Variants in SHROOM4 observed in about 807,000 individuals in gnomAD.
SHROOM4 encodes shroom family member 4.
A neutral mutation model predicts 80.3 loss-of-function variants in SHROOM4; 17 were observed. That is an observed-to-expected ratio of 0.21 (90% CI 0.14 to 0.32). The LOEUF (loss-of-function observed/expected upper bound fraction) is 0.32. SHROOM4 is among the 10% of genes least tolerant of loss of function. SHROOM4 has a pLI of 1.00. For missense variants in SHROOM4, 993 were observed against 1,140.3 expected, an observed-to-expected ratio of 0.87 and a Z score of 1.86; for synonymous variants, 400 against 437.5, an observed-to-expected ratio of 0.91 and a Z score of 1.07.
intron 1 of SHROOM4, among the ~76,000 whole-genome samples, chrX:50,721,980 A>G (rs1829099288): frequency 9.1e-6 from 1 of 110,376 alleles, no homozygotes; most frequent in South Asian, 3.9e-4. Flanking sequence ...GAAGTCAGGT[A>G]GGATCCAAGC....
intron 1 of SHROOM4, among the ~76,000 whole-genome samples, chrX:50,722,356 T>C (rs1934134113): frequency 9.1e-6 from 1 of 109,319 alleles, no homozygotes; most frequent in African/African-American, 3.3e-5. Flanking sequence ...GGCTAAAACC[T>C]ACCTAAGGGA....
At position 50,634,060 on chromosome X, in the gene SHROOM4, G is replaced by C; in HGVS notation, c.2013C>G (p.Ala671=). 17 of 1,211,960 alleles carry C rather than the reference G, an allele frequency of 1.4e-5. No individual in the cohort carries two copies. Among genetic ancestry groups the C allele is most frequent in the Non-Finnish European group, 1.9e-5 (17 of 895,529 alleles). The change falls in exon 4 of 9, where the codon GCC becomes GCG. Residue 671 remains alanine (A), a synonymous_variant. Coordinates refer to ENST00000376020, the MANE Select transcript of SHROOM4 (RefSeq NM_020717.5). ...CTGTCCTAGATTCATGGCTCTCAGGGGCTTGGCTGAGGCACTCGGAAGACC... is the reference window on the plus strand; with the variant it reads ...CTGTCCTAGATTCATGGCTCTCAGGCGCTTGGCTGAGGCACTCGGAAGACC... The part of the protein sequence containing the change: ...RARSSECLSQ[A]PESHESRTGL...
At chrX:50,733,897 T>C (rs2147549836) in intron 1 of SHROOM4, among the ~76,000 whole-genome samples, 1 of 111,806 alleles carries the variant, frequency 8.9e-6, no homozygotes. Flanking sequence ...AAAAATCTAC[T>C]AAAATAATAA....
intron 2 of SHROOM4, among the ~76,000 whole-genome samples, chrX:50,648,005 G>A (rs1200040704): frequency 8.9e-6 from 1 of 112,113 alleles, no homozygotes; most frequent in East Asian, 2.8e-4. Context: ...TTTATTCTCA[G>A]TGAAATGGGA....
intron 2 of SHROOM4, among the ~76,000 whole-genome samples, chrX:50,663,791 C>T (rs1198084561): frequency 9.0e-6 from 1 of 111,424 alleles, no homozygotes; most frequent in Non-Finnish European, 1.9e-5. Flanking sequence ...TCACTTGCTG[C>T]TGGCATCACT....
intron 1 of SHROOM4, among the ~76,000 whole-genome samples, chrX:50,809,161 G>T (rs782632569): frequency 9.0e-6 from 1 of 111,627 alleles, no homozygotes; most frequent in South Asian, 3.8e-4. Flanking sequence ...GCTGGACTAA[G>T]CTCCAAAGAT....
intron 2 of SHROOM4, among the ~76,000 whole-genome samples, chrX:50,652,257 T>G (rs1355077891): frequency 8.9e-6 from 1 of 112,270 alleles, no homozygotes; most frequent in African/African-American, 3.2e-5. Context: ...GTTTCCTGAC[T>G]TTTTAATGAT....
At chrX:50,760,552 G>T (rs986916509) in intron 1 of SHROOM4, among the ~76,000 whole-genome samples, 2 of 109,534 alleles carry the variant, frequency 1.8e-5, no homozygotes, top group African/African-American at 6.6e-5. Flanking sequence ...TGCTCAGACC[G>T]GTCTTGAACT....
Position 50,634,917 on chromosome X carries a change from CATT to C in SHROOM4, c.1153_1155del (p.Asn385del). The C allele has an allele frequency of 8.3e-7, 1 of 1,209,463 alleles. No homozygotes were observed. The highest frequency in any genetic ancestry group is 1.1e-6 in the Non-Finnish European group (1 of 894,270). On this transcript the variant is annotated inframe_deletion, in exon 4 of 9. Coordinates refer to ENST00000376020, the MANE Select transcript of SHROOM4 (RefSeq NM_020717.5). ...GCCTTAGCTAGCTCTGCAGAAGCCT[CATT>C]GAGTGGGTTGGAATCCACGCTGGAA...
chrX:50,638,426 C>T (rs782474466), intron 2 of SHROOM4, 118 bp from the exon 3 acceptor site: 5 of 931,785 alleles, frequency 5.4e-6, no homozygotes, highest in Non-Finnish European at 7.5e-6. Context: ...TTGCAAGGAA[C>T]TGGTGTGGGA....
chrX:50,628,635 C>T (rs782028163), intron 4 of SHROOM4, among the ~76,000 whole-genome samples: 29 of 111,674 alleles, frequency 2.6e-4, no homozygotes, highest in Non-Finnish European at 3.6e-4. Context: ...GGAAGTAAGA[C>T]GCCTGGTGAA....
chrX:50,621,057 G>A (rs1207581952), intron 5 of SHROOM4, among the ~76,000 whole-genome samples: 2 of 111,418 alleles, frequency 1.8e-5, no homozygotes, highest in Non-Finnish European at 3.8e-5. Flanking sequence ...CCATTTAACA[G>A]ACACAAATTT....
At chrX:50,611,340 C>CG (rs1170549817) in intron 5 of SHROOM4, among the ~76,000 whole-genome samples, 1 of 108,225 alleles carries the variant, frequency 9.2e-6, no homozygotes, top group Non-Finnish European at 1.9e-5. Flanking sequence ...TTAGTAGAGA[C>CG]GGGGTTTCAC....
chrX:50,578,973 A>C, the SHROOM4 span, among the ~76,000 whole-genome samples: 3 of 111,682 alleles, frequency 2.7e-5, no homozygotes, highest in African/African-American at 9.8e-5. Context: ...AAAGAAGAAA[A>C]AGTGTATATC....
chrX:50,629,928 G>A (rs905208830), intron 4 of SHROOM4, among the ~76,000 whole-genome samples: 1 of 110,493 alleles, frequency 9.1e-6, no homozygotes, highest in African/African-American at 3.3e-5. Context: ...TTTCTTGAGG[G>A]GGGTGGAGTA....
At chrX:50,812,727 T>C (rs1211396904) in intron 1 of SHROOM4, among the ~76,000 whole-genome samples, 4 of 99,759 alleles carry the variant, frequency 4.0e-5, no homozygotes, top group African/African-American at 1.4e-4. Context: ...TCTGCTGAGA[T>C]GTGACCAATG....
intron 1 of SHROOM4, among the ~76,000 whole-genome samples, chrX:50,739,124 C>G (rs1325035029): frequency 1.8e-5 from 2 of 111,229 alleles, no homozygotes; most frequent in Non-Finnish European, 3.8e-5. Context: ...AACTGGCTAG[C>G]CATATGTAGA....
chrX:50,803,376 A>C (rs1243528659), intron 1 of SHROOM4, among the ~76,000 whole-genome samples: 1 of 112,264 alleles, frequency 8.9e-6, no homozygotes, highest in Non-Finnish European at 1.9e-5. Context: ...TGAATGAATT[A>C]ATAAGTGGAT....
chrX:50,779,752 C>T (rs1557270460), intron 1 of SHROOM4, among the ~76,000 whole-genome samples: 2 of 111,989 alleles, frequency 1.8e-5, no homozygotes, highest in East Asian at 2.8e-4. Flanking sequence ...CCTTCCTGCC[C>T]TGGGAATTCA....
Sources: gnomAD v4.1 joint callset for allele counts (sites outside exome capture counted in the v4.1 genomes callset) on GRCh38, gnomAD v4.1.1 for gene constraint, MANE v1.5 for transcripts, NCBI Gene and HGNC (gene_info 2026-07-23, HGNC 2026-07-21) for gene names.